Variants in FBXL20 observed in about 807,000 individuals in gnomAD.
FBXL20 encodes F-box/LRR-repeat protein 20.
Under a neutral mutation model 64.0 loss-of-function variants are expected in FBXL20, and 11 were observed. That is an observed-to-expected ratio of 0.17 (90% CI 0.11 to 0.28). The LOEUF (loss-of-function observed/expected upper bound fraction) is 0.28. Among genes scored for constraint, FBXL20 ranks in the 10% least tolerant of loss-of-function variants. The probability of loss-of-function intolerance (pLI) is 1.00; values close to 1 mark genes in which losing one functional copy is unlikely to be tolerated. For missense variants in FBXL20, 303 were observed against 526.2 expected (o/e 0.58, Z 4.15); for synonymous variants, 184 against 189.0 (o/e 0.97, Z 0.22).
chr17:39,302,357 T>A (rs545276296), intron 3 of FBXL20, among the ~76,000 whole-genome samples: 1 of 149,664 alleles, frequency 6.7e-6, no homozygotes, highest in African/African-American at 2.5e-5. Flanking sequence ...ACCACAGGCA[T>A]GCACCACCGC....
intron 1 of FBXL20, among the ~76,000 whole-genome samples, chr17:39,382,524 G>C (rs1360943671): frequency 3.3e-5 from 5 of 151,766 alleles, no homozygotes; most frequent in Non-Finnish European, 7.4e-5. Context: ...CTTTATTATA[G>C]ATATGGCTTT....
chr17:39,391,251 CAAAAAAA>C (rs746792198), intron 1 of FBXL20, among the ~76,000 whole-genome samples: 12 of 60,056 alleles, frequency 2.0e-4, no homozygotes, highest in African/African-American at 6.5e-4. Flanking sequence ...CCACCTGTCT[CAAAAAAA>C]AAAAAAAAAA....
chr17:39,398,062 T>G (rs2048204030), intron 1 of FBXL20, among the ~76,000 whole-genome samples: 1 of 87,300 alleles, frequency 1.1e-5, no homozygotes, highest in African/African-American at 4.1e-5. Flanking sequence ...GGGGGTTGGA[T>G]CACGAGGTCA....
At chr17:39,333,805 T>C (rs2047490405) in intron 2 of FBXL20, among the ~76,000 whole-genome samples, 1 of 151,392 alleles carries the variant, frequency 6.6e-6, no homozygotes, top group African/African-American at 2.4e-5. Flanking sequence ...CGACCCCGTC[T>C]GGGAACTGAG....
intron 1 of FBXL20, among the ~76,000 whole-genome samples, chr17:39,396,205 G>C (rs181055792): frequency 6.6e-6 from 1 of 151,948 alleles, no homozygotes; most frequent in East Asian, 1.9e-4. Flanking sequence ...TATTCAAAAA[G>C]CACAGATGCA....
chr17:39,319,472 G>A (rs2047329278), intron 2 of FBXL20, among the ~76,000 whole-genome samples: 1 of 151,956 alleles, frequency 6.6e-6, no homozygotes. Flanking sequence ...GGATCACAAG[G>A]TCAGGAGTTT....
At chr17:39,370,215 G>C (rs1022746779) in intron 1 of FBXL20, among the ~76,000 whole-genome samples, 2 of 151,732 alleles carry the variant, frequency 1.3e-5, no homozygotes, top group Non-Finnish European at 2.9e-5. Context: ...AGAGGACCAA[G>C]CGCTATGCCT....
Position 39,384,296 on chromosome 17 carries a change from G to A in FBXL20, c.42+17065C>T, listed in dbSNP as rs535381728. Among the ~76,000 whole-genome samples, 242 of 152,236 alleles carry A rather than the reference G, an allele frequency of 1.6e-3. 1 individual carries two copies. Among genetic ancestry groups the A allele is most frequent in the Non-Finnish European group, 2.7e-3 (183 of 68,020 alleles). On this transcript the variant is annotated intron_variant, in intron 1 of 14. Transcript: ENST00000264658. Reference sequence around the variant, plus strand: ...TAATCTCAGCACTTTAGGTGGCCGAGGTGGGCAGATCAGAAGGCTAAGAGT... The same window carrying A: ...TAATCTCAGCACTTTAGGTGGCCGAAGTGGGCAGATCAGAAGGCTAAGAGT...
intron 1 of FBXL20, among the ~76,000 whole-genome samples, chr17:39,361,471 G>A (rs1597819676): frequency 6.6e-6 from 1 of 152,284 alleles, no homozygotes. Flanking sequence ...CTCATCTTCT[G>A]TCTCTGGAGC....
intron 1 of FBXL20, among the ~76,000 whole-genome samples, chr17:39,353,272 TAAACTTACTA>T (rs1047253369): frequency 9.9e-5 from 15 of 152,214 alleles, no homozygotes; most frequent in African/African-American, 2.9e-4. Flanking sequence ...CATATGCAGC[TAAACTTACTA>T]AAACTTACTA....
At chr17:39,343,270 GTTAC>G (rs1336251816) in intron 1 of FBXL20, 29 bp from the exon 2 acceptor site, 1 of 1,484,834 alleles carries the variant, frequency 6.7e-7, no homozygotes, top group Non-Finnish European at 9.2e-7. Context: ...AGTGTCAAGT[GTTAC>G]TTAACATTTT....
rs2046671944 is a variant in FBXL20, at chr17:39,253,883, G to C, written c.*7577C>G. The stretch of plus-strand genomic sequence containing the variant: ...CCAGTTAGAGACTTTTTCAAGTTAA[G>C]ATTTTCTAAGACCTTAGGTTTTCAT... On this transcript the variant is annotated 3_prime_UTR_variant, in exon 15 of 15. Transcript: ENST00000264658. 6.6e-6 allele frequency: 1 copy of C among 151,974 alleles called. No homozygotes were observed. The highest frequency in any genetic ancestry group is 2.4e-5 in the African/African-American group (1 of 41,356). 9.4% of individuals were successfully genotyped at this position (151,974 alleles called of 1,614,324 possible).
intron 8 of FBXL20, 60 bp from the exon 9 acceptor site, chr17:39,281,523 T>G: frequency 7.0e-7 from 1 of 1,423,716 alleles, no homozygotes; most frequent in Non-Finnish European, 9.8e-7. Flanking sequence ...AGGAAAGAGA[T>G]TTAAGAATGT....
At chr17:39,320,735 C>T (rs1488205483) in intron 2 of FBXL20, among the ~76,000 whole-genome samples, 5 of 151,872 alleles carry the variant, frequency 3.3e-5, no homozygotes, top group Non-Finnish European at 7.4e-5. Flanking sequence ...GCTGGGACTA[C>T]AGGTAAATAC....
chr17:39,372,324 T>A (rs987096196), intron 1 of FBXL20, among the ~76,000 whole-genome samples: 11 of 151,386 alleles, frequency 7.3e-5, no homozygotes, highest in African/African-American at 2.7e-4. Context: ...ATGGAGACCA[T>A]CCTGGCCAAC....
At chr17:39,280,825 C>T (rs1387032938) in intron 9 of FBXL20, among the ~76,000 whole-genome samples, 1 of 152,120 alleles carries the variant, frequency 6.6e-6, no homozygotes, top group Non-Finnish European at 1.5e-5. Flanking sequence ...AGTGCTGTGG[C>T]ATGATTTCAG....
Position 39,254,875 on chromosome 17 carries a change from T to C in FBXL20, c.*6585A>G, listed in dbSNP as rs1487055756. ...TTCATGGTTCTTTGTAAAACAGCAATAAACCACCCTGGCTGAGGAAGCACT... is the reference window on the plus strand; with the variant it reads ...TTCATGGTTCTTTGTAAAACAGCAACAAACCACCCTGGCTGAGGAAGCACT... On this transcript the variant is annotated 3_prime_UTR_variant, in exon 15 of 15. Transcript: ENST00000264658. 1 of 153,020 alleles carries C rather than the reference T, an allele frequency of 6.5e-6. No individual in the cohort carries two copies. Among genetic ancestry groups the C allele is most frequent in the African/African-American group, 2.4e-5 (1 of 41,468 alleles). The allele number at this position is 153,020 out of a possible 1,614,324, so 9.5% of individuals were successfully genotyped here. A position where few individuals can be genotyped will look rare whatever the true frequency, so the allele number is the denominator to read the frequency against.
chr17:39,361,543 A>G (rs749792237), intron 1 of FBXL20, among the ~76,000 whole-genome samples: 19 of 152,198 alleles, frequency 1.2e-4, no homozygotes, highest in Non-Finnish European at 1.9e-4. Flanking sequence ...TATGCCTGTA[A>G]TCCCAGCACT....
chr17:39,344,511 C>T (rs1234136867), intron 1 of FBXL20, among the ~76,000 whole-genome samples: 1 of 152,084 alleles, frequency 6.6e-6, no homozygotes, highest in Non-Finnish European at 1.5e-5. Context: ...TTTGGCCAGG[C>T]ACAGTGGCTC....
Sources: gnomAD v4.1 joint callset for allele counts (sites outside exome capture counted in the v4.1 genomes callset) on GRCh38, gnomAD v4.1.1 for gene constraint, MANE v1.5 for transcripts, NCBI Gene and HGNC (gene_info 2026-07-23, HGNC 2026-07-21) for gene names.